Variants in POLQ observed in about 807,000 individuals in gnomAD.
The protein encoded by POLQ is DNA polymerase theta, also known as epididymis secretory sperm binding protein.
Under a neutral mutation model 259.2 loss-of-function variants are expected in POLQ, and 233 were observed. That is an observed-to-expected ratio of 0.90 (90% CI 0.81 to 1.00). The LOEUF (loss-of-function observed/expected upper bound fraction) is 1.00. Among genes scored for constraint, POLQ ranks in the 50% least tolerant of loss-of-function variants. The pLI, the probability that POLQ is intolerant of heterozygous loss-of-function variation, is 0.00. For missense variants in POLQ, 2,871 were observed against 3,051.6 expected (o/e 0.94, Z 1.39); for synonymous variants, 1,025 against 1,048.8 (o/e 0.98, Z 0.44).
chr3:121,432,139 T>C lies in POLQ; in HGVS notation c.*165A>G, dbSNP rs534936465. 188 of 570,406 alleles carry C rather than the reference T, an allele frequency of 3.3e-4. No homozygotes were observed. The highest frequency in any genetic ancestry group is 5.1e-4 in the Non-Finnish European group (179 of 348,248). The allele number at this position is 570,406 out of a possible 1,614,324, so 35.3% of individuals were successfully genotyped here. On this transcript the variant is annotated 3_prime_UTR_variant, in exon 30 of 30. Coordinates refer to ENST00000264233, the MANE Select transcript of POLQ (RefSeq NM_199420.4). Reference sequence around the variant, plus strand: ...ACGCCCCCAGAAGTTTTTGATGCTATAGACACTGATATATAGTTTGAAACT... The same window carrying C: ...ACGCCCCCAGAAGTTTTTGATGCTACAGACACTGATATATAGTTTGAAACT...
At chr3:121,479,749 G>A (rs186974910) in intron 19 of POLQ, among the ~76,000 whole-genome samples, 49 of 152,090 alleles carry the variant, frequency 3.2e-4, no homozygotes, top group African/African-American at 8.4e-4. Flanking sequence ...CACTGCACCC[G>A]GCTGCCTTAT....
chr3:121,533,950 C>T (rs2048430744), intron 5 of POLQ, among the ~76,000 whole-genome samples: 1 of 137,368 alleles, frequency 7.3e-6, no homozygotes, highest in Admixed American at 8.2e-5. Context: ...GTTGCCCACT[C>T]ACTGCAAGCT....
intron 9 of POLQ, among the ~76,000 whole-genome samples, chr3:121,518,116 T>C (rs1237498975): frequency 6.6e-6 from 1 of 152,218 alleles, no homozygotes; most frequent in African/African-American, 2.4e-5. Context: ...ACTTCATCAA[T>C]ACAAAACCTT....
At chr3:121,435,432 AG>A (rs540068325) in intron 28 of POLQ, among the ~76,000 whole-genome samples, 60 of 152,360 alleles carry the variant, frequency 3.9e-4, no homozygotes, top group African/African-American at 1.2e-3. Context: ...GGTCATAAAT[AG>A]GAATATCAAC....
At chr3:121,476,483 CACAA>C (rs376778701) in intron 20 of POLQ, 53 bp downstream of exon 20, 1 of 1,122,208 alleles carries the variant, frequency 8.9e-7, no homozygotes, top group Non-Finnish European at 1.3e-6. Flanking sequence ...CACACACACA[CACAA>C]TCATTTTAAC....
intron 19 of POLQ, among the ~76,000 whole-genome samples, chr3:121,478,949 A>C (rs1052651047): frequency 6.6e-6 from 1 of 152,190 alleles, no homozygotes; most frequent in African/African-American, 2.4e-5. Context: ...AGACATATAA[A>C]ATTGTGCATC....
At chr3:121,537,783 T>C (rs1297385433) in intron 4 of POLQ, among the ~76,000 whole-genome samples, 1 of 152,184 alleles carries the variant, frequency 6.6e-6, no homozygotes, top group Non-Finnish European at 1.5e-5. Context: ...CTCCACTTCA[T>C]TCCATCAAAA....
intron 12 of POLQ, among the ~76,000 whole-genome samples, chr3:121,500,536 G>A (rs1438074086): frequency 6.6e-6 from 1 of 152,150 alleles, no homozygotes. Context: ...ATCTGAAAGA[G>A]GGAGAGGAGA....
chr3:121,475,634 G>C lies in POLQ; in HGVS notation c.6405+906C>G, dbSNP rs190352057. The stretch of plus-strand genomic sequence containing the variant: ...GTTCTTTAGCTTAAGCATTTTTTTG[G>C]GGGGGTGAAGCTTTCAGAATTAACT... On this transcript the variant is annotated intron_variant, in intron 20 of 29. Coordinates refer to ENST00000264233, the MANE Select transcript of POLQ (RefSeq NM_199420.4). 7.8e-3 allele frequency among the ~76,000 whole-genome samples: 1,185 copies of C among 152,070 alleles called. 7 individuals are homozygous for C. The highest frequency in any genetic ancestry group is 0.011 in the Non-Finnish European group (740 of 67,964).
intron 25 of POLQ, among the ~76,000 whole-genome samples, chr3:121,456,120 A>G (rs2047734571): frequency 6.6e-6 from 1 of 152,354 alleles, no homozygotes; most frequent in South Asian, 2.1e-4. Context: ...AAACAGAAAC[A>G]GAGAAAAAAA....
chr3:121,533,210 CTG>C lies in POLQ; in HGVS notation c.741-3_741-2del. 1.3e-6 allele frequency: 2 copies of C among 1,548,018 alleles called. No individual in the cohort carries two copies. The highest frequency in any genetic ancestry group is 1.7e-6 in the Non-Finnish European group (2 of 1,144,964). On this transcript the variant is annotated splice_acceptor_variant and splice_polypyrimidine_tract_variant and intron_variant, in intron 5 of 29. Coordinates refer to ENST00000264233, the MANE Select transcript of POLQ (RefSeq NM_199420.4). LOFTEE classifies it high-confidence loss of function. The stretch of plus-strand genomic sequence containing the variant: ...CAGAGAACTGGCTAGATCTGCCTGA[CTG>C]TAAAAAAACAAATGAAAAGAACATT...
intron 14 of POLQ, chr3:121,494,457 G>A: frequency 1.3e-6 from 2 of 1,503,990 alleles, no homozygotes; most frequent in Non-Finnish European, 1.8e-6. Flanking sequence ...CTGTTGGCCT[G>A]GGCCAAGAAG....
chr3:121,437,113 A>C (rs1299521154), intron 27 of POLQ, among the ~76,000 whole-genome samples: 1 of 152,170 alleles, frequency 6.6e-6, no homozygotes, highest in Non-Finnish European at 1.5e-5. Context: ...AAATGCCTGT[A>C]ATCTCAGCTA....
chr3:121,483,851 T>C (rs977540555), intron 17 of POLQ, among the ~76,000 whole-genome samples: 2 of 151,956 alleles, frequency 1.3e-5, no homozygotes, highest in African/African-American at 4.8e-5. Context: ...TTAATACTTG[T>C]AAAAACAAAA....
intron 12 of POLQ, among the ~76,000 whole-genome samples, chr3:121,500,338 T>A (rs2048157576): frequency 2.0e-5 from 3 of 149,540 alleles, no homozygotes; most frequent in Admixed American, 1.3e-4. Flanking sequence ...GTTGCCCAGG[T>A]TGGTCTTGAA....
chr3:121,485,173 G>A lies in POLQ; in HGVS notation c.5641C>T (p.Gln1881Ter). 6.3e-7 allele frequency: 1 copy of A among 1,595,556 alleles called. No individual in the cohort carries two copies. Among genetic ancestry groups the A allele is most frequent in the Non-Finnish European group, 8.5e-7 (1 of 1,170,548 alleles). The change falls in exon 17 of 30, where the codon CAG becomes TAG. Residue 1881 changes from glutamine (Q) to a stop codon, truncating the protein, a stop_gained. Coordinates refer to ENST00000264233, the MANE Select transcript of POLQ (RefSeq NM_199420.4). LOFTEE classifies it high-confidence loss of function. The stretch of plus-strand genomic sequence containing the variant: ...CCATCATCTCTAATAGGAATTTCCT[G>A]AGGTGAGCTAGCTAAGTAAAACAAA... ...GSRFKQASSP[Q>*]EIPIRDDGFP... is the part of the protein sequence containing the mutation.
intron 10 of POLQ, among the ~76,000 whole-genome samples, 169 bp from the exon 11 acceptor site, chr3:121,510,412 C>T (rs777474896): frequency 4.0e-5 from 6 of 151,806 alleles, no homozygotes; most frequent in Non-Finnish European, 7.4e-5. Flanking sequence ...CCCGTCTCTA[C>T]TAAAAATACA....
At chr3:121,516,678 G>T (rs1403814046) in intron 9 of POLQ, among the ~76,000 whole-genome samples, 4 of 151,938 alleles carry the variant, frequency 2.6e-5, no homozygotes, top group Non-Finnish European at 5.9e-5. Flanking sequence ...CTTCTAAGTA[G>T]TCTATGGAAA....
Position 121,481,552 on chromosome 3 carries a change from G to A in POLQ, c.6211+20C>T, listed in dbSNP as rs769772326. Reference sequence around the variant, plus strand: ...TATCTCTAATCTATAACATAAAAATGCCAGAAACTTGGTTTTTACCTTGAA... The same window carrying A: ...TATCTCTAATCTATAACATAAAAATACCAGAAACTTGGTTTTTACCTTGAA... On this transcript the variant is annotated intron_variant, in intron 19 of 29. Coordinates refer to ENST00000264233, the MANE Select transcript of POLQ (RefSeq NM_199420.4). 7.0e-6 allele frequency: 11 copies of A among 1,565,044 alleles called. No individual in the cohort carries two copies. The highest frequency in any genetic ancestry group is 4.1e-5 in the African/African-American group (3 of 73,012).
Sources: gnomAD v4.1 joint callset for allele counts (sites outside exome capture counted in the v4.1 genomes callset) on GRCh38, gnomAD v4.1.1 for gene constraint, MANE v1.5 for transcripts, NCBI Gene and HGNC (gene_info 2026-07-23, HGNC 2026-07-21) for gene names.